Variants in RBFOX1 observed in about 807,000 individuals in gnomAD.
The protein encoded by RBFOX1 is RNA binding fox-1 homolog 1.
In RBFOX1, 8 loss-of-function variants were observed where a neutral mutation model predicts 57.7. That is an observed-to-expected ratio of 0.14 (90% CI 0.08 to 0.25). RBFOX1 has a LOEUF of 0.25. RBFOX1 is among the 10% of genes least tolerant of loss of function. The probability of loss-of-function intolerance (pLI) is 1.00; values close to 1 mark genes in which losing one functional copy is unlikely to be tolerated. For synonymous variants in RBFOX1, 326 were observed against 222.4 expected (o/e 1.47, Z -4.15); for missense variants, 611 against 548.5 (o/e 1.11, Z -1.14).
At chr16:6,732,167 C>T (rs2068782251) in intron 3 of RBFOX1, among the ~76,000 whole-genome samples, 1 of 152,156 alleles carries the variant, frequency 6.6e-6, no homozygotes, top group South Asian at 2.1e-4. Flanking sequence ...CTGATCCCTC[C>T]ATCTTTCCAA....
At chr16:5,550,781 C>T (rs916065165) in intron 2 of RBFOX1, among the ~76,000 whole-genome samples, 3 of 152,130 alleles carry the variant, frequency 2.0e-5, no homozygotes, top group East Asian at 1.9e-4. Context: ...TCAGCAATAA[C>T]AATAACAATT....
chr16:6,454,943 G>A (rs2094729506), intron 2 of RBFOX1, among the ~76,000 whole-genome samples: 3 of 143,696 alleles, frequency 2.1e-5, no homozygotes, highest in Admixed American at 7.1e-5. Context: ...GAGTACAGCG[G>A]CACATCTCGG....
intron 4 of RBFOX1, among the ~76,000 whole-genome samples, chr16:7,317,361 C>T (rs1157739035): frequency 2.0e-5 from 3 of 152,228 alleles, no homozygotes; most frequent in African/African-American, 7.2e-5. Flanking sequence ...GAGTGACAGG[C>T]CAGTCTCAGC....
chr16:7,359,977 C>G (rs1001520807), intron 4 of RBFOX1, among the ~76,000 whole-genome samples: 1 of 140,584 alleles, frequency 7.1e-6, no homozygotes, highest in African/African-American at 2.7e-5. Context: ...GAGCGAGACT[C>G]TGTCTCAAAA....
intron 3 of RBFOX1, among the ~76,000 whole-genome samples, chr16:5,736,758 G>C (rs1308937316): frequency 1.3e-5 from 2 of 149,896 alleles, no homozygotes; most frequent in Non-Finnish European, 3.0e-5. Flanking sequence ...CTGTCTCTTT[G>C]CTCTGCCTTT....
At chr16:5,554,079 C>G (rs1397811488) in intron 2 of RBFOX1, among the ~76,000 whole-genome samples, 2 of 151,554 alleles carry the variant, frequency 1.3e-5, no homozygotes, top group African/African-American at 2.4e-5. Context: ...AAGTGATTCT[C>G]CTGCCTTAAT....
intron 7 of RBFOX1, among the ~76,000 whole-genome samples, chr16:7,590,100 C>G (rs964821724): frequency 1.3e-5 from 2 of 151,906 alleles, no homozygotes; most frequent in African/African-American, 4.8e-5. Flanking sequence ...CCCATCTCCA[C>G]AAAATAATAA....
At chr16:5,663,469 T>C (rs552648749) in intron 3 of RBFOX1, among the ~76,000 whole-genome samples, 1 of 151,762 alleles carries the variant, frequency 6.6e-6, no homozygotes, top group Admixed American at 6.6e-5. Context: ...CCCCCGAAAA[T>C]GCTGGTATTA....
At chr16:7,280,945 T>TTCCCTCCCTCCCTCCC (rs1568014716) in intron 4 of RBFOX1, among the ~76,000 whole-genome samples, 1 of 130,240 alleles carries the variant, frequency 7.7e-6, no homozygotes, top group African/African-American at 2.9e-5. Flanking sequence ...TTGCATGTGA[T>TTCCCTCCCTCCCTCCC]TCCCTACCTA....
chr16:5,486,079 C>T (rs1225338006), intron 2 of RBFOX1, among the ~76,000 whole-genome samples: 4 of 152,180 alleles, frequency 2.6e-5, no homozygotes, highest in Admixed American at 1.3e-4. Flanking sequence ...TTTTCTCTCC[C>T]CTGAAGCACT....
intron 1 of RBFOX1, among the ~76,000 whole-genome samples, chr16:6,045,180 T>C (rs2095482526): frequency 6.6e-6 from 1 of 152,218 alleles, no homozygotes; most frequent in East Asian, 1.9e-4. Context: ...TCAGTAAGTC[T>C]AGGGTGGGAC....
intron 4 of RBFOX1, among the ~76,000 whole-genome samples, chr16:5,960,583 G>A (rs1416800994): frequency 6.6e-6 from 1 of 152,040 alleles, no homozygotes. Context: ...GCCTTTTTTA[G>A]TGTTAATCAG....
In RBFOX1 at chr16:5,974,677, A is replaced by G. The variant is rs144718863; in HGVS notation, c.351+107342A>G. 3.2e-3 allele frequency among the ~76,000 whole-genome samples: 483 copies of G among 152,212 alleles called. 3 individuals are homozygous for G. Among genetic ancestry groups the G allele is most frequent in the African/African-American group, 0.011 (468 of 41,528 alleles). ...TTATCTTTAGTTTAAGGATTTCATT[A>G]GTTGTAATTATTTGTATAGAGGAAC... On this transcript the variant is annotated intron_variant, in intron 4 of 19. Transcript: ENST00000641259.
chr16:5,609,231 A>G (rs1321097336), intron 3 of RBFOX1, among the ~76,000 whole-genome samples: 1 of 152,178 alleles, frequency 6.6e-6, no homozygotes, highest in Non-Finnish European at 1.5e-5. Context: ...CTTTTAAGTT[A>G]TGTATTCATT....
chr16:6,398,492 A>C (rs2092931704), intron 2 of RBFOX1, among the ~76,000 whole-genome samples: 1 of 152,200 alleles, frequency 6.6e-6, no homozygotes, highest in African/African-American at 2.4e-5. Flanking sequence ...CCTACTAGAT[A>C]CAATGGGGTA....
intron 4 of RBFOX1, among the ~76,000 whole-genome samples, chr16:7,139,174 C>CTGTGTGTGTGTGTGTGTGTGTGTG (rs1276311817): frequency 4.4e-5 from 1 of 22,738 alleles, no homozygotes; most frequent in African/African-American, 9.0e-5. Flanking sequence ...ATCAATCTCT[C>CTGTGTGTGTGTGTGTGTGTGTGTG]TCTGTGTGTG....
chr16:7,153,739 A>AAAAT (rs1555514628), intron 4 of RBFOX1, among the ~76,000 whole-genome samples: 7 of 151,154 alleles, frequency 4.6e-5, no homozygotes, highest in African/African-American at 7.3e-5. Context: ...AAAAAAAAAA[A>AAAAT]AATAAGGAAA....
Position 7,701,280 on chromosome 16 carries a change from A to G in RBFOX1, c.996-7776A>G, listed in dbSNP as rs187386238. On this transcript the variant is annotated intron_variant, in intron 14 of 15. Transcript: ENST00000550418. ...TCATTTTGTAGGTCAGGGGTCCCCA[A>G]CTGGACACACAGCAGGTGGTGAGCG... Among the ~76,000 whole-genome samples the G allele has an allele frequency of 2.6e-4, 39 of 152,254 alleles. No individual in the cohort carries two copies. In the East Asian group the frequency reaches 5.6e-3, roughly 22 times the overall value.
intron 1 of RBFOX1, among the ~76,000 whole-genome samples, chr16:6,294,179 C>G (rs984027847): frequency 6.6e-6 from 1 of 152,058 alleles, no homozygotes; most frequent in Non-Finnish European, 1.5e-5. Context: ...GAGACCCTGT[C>G]TCTAAAGAAA....
Sources: allele counts gnomAD v4.1 joint callset (sites outside exome capture counted in the v4.1 genomes callset), GRCh38; gene constraint gnomAD v4.1.1; transcripts MANE v1.5; gene names NCBI Gene and HGNC (gene_info 2026-07-23, HGNC 2026-07-21).